Variants in KCTD1 observed in about 807,000 individuals in gnomAD.
KCTD1 encodes the protein potassium channel tetramerization domain containing 1, also known as BTB/POZ domain-containing protein KCTD1.
In KCTD1, 24 loss-of-function variants were observed where a neutral mutation model predicts 66.0. That is an observed-to-expected ratio of 0.36 (90% CI 0.26 to 0.51). KCTD1 has a LOEUF of 0.51. Among genes scored for constraint, KCTD1 ranks in the 20% least tolerant of loss-of-function variants. KCTD1 has a pLI of 0.95. For missense variants in KCTD1, 943 were observed against 1,205.2 expected (o/e 0.78, Z 3.22); for synonymous variants, 511 against 517.2 (o/e 0.99, Z 0.16).
At chr18:26,549,345 C>T, upstream of KCTD1, 1 of 985,524 alleles carries the variant, frequency 1.0e-6, no homozygotes, top group Non-Finnish European at 1.2e-6. Flanking sequence ...TCAGCCACAT[C>T]CCTTTCGACT....
chr18:26,626,159 A>G (rs541967812), intron 1 of KCTD1, among the ~76,000 whole-genome samples: 1 of 144,416 alleles, frequency 6.9e-6, no homozygotes, highest in Non-Finnish European at 1.5e-5. Flanking sequence ...TGAGCCAAAA[A>G]AAAAAACAAA....
At chr18:26,599,936 T>C in intron 1 of KCTD1, 3 of 1,591,492 alleles carry the variant, frequency 1.9e-6, no homozygotes, top group Non-Finnish European at 1.7e-6. Context: ...AAGTTTTCCA[T>C]CACCAAGAAG....
chr18:26,567,081 C>G (rs932522771), intron 1 of KCTD1: 14 of 152,064 alleles, frequency 9.2e-5, no homozygotes, highest in African/African-American at 3.4e-4. Context: ...CTGAGAGGCT[C>G]CTGCAAACCC....
intron 1 of KCTD1, among the ~76,000 whole-genome samples, chr18:26,618,434 C>T (rs1987304100): frequency 6.6e-6 from 1 of 152,152 alleles, no homozygotes; most frequent in Non-Finnish European, 1.5e-5. Flanking sequence ...TGCATTCCAC[C>T]TACCACCTAC....
At chr18:26,471,306 G>C (rs1981049255) in intron 3 of KCTD1, among the ~76,000 whole-genome samples, 1 of 151,820 alleles carries the variant, frequency 6.6e-6, no homozygotes, top group Non-Finnish European at 1.5e-5. Context: ...GATGTATTCT[G>C]CTTGTAGCGT....
At chr18:26,503,905 C>G (rs1054155208) in intron 1 of KCTD1, among the ~76,000 whole-genome samples, 1 of 152,158 alleles carries the variant, frequency 6.6e-6, no homozygotes, top group Non-Finnish European at 1.5e-5. Flanking sequence ...GCAATGCCCT[C>G]CTTTGGTGAG....
intron 1 of KCTD1, among the ~76,000 whole-genome samples, chr18:26,597,825 T>C (rs1986803543): frequency 6.6e-6 from 1 of 152,150 alleles, no homozygotes; most frequent in East Asian, 1.9e-4. Flanking sequence ...AACTAATTTT[T>C]GTATTTTTAG....
chr18:26,614,947 A>G (rs967071355), intron 1 of KCTD1, among the ~76,000 whole-genome samples: 1 of 152,304 alleles, frequency 6.6e-6, no homozygotes, highest in East Asian at 1.9e-4. Flanking sequence ...TGCTTTTTAA[A>G]ATTTTCAAAT....
At chr18:26,500,102 C>A (rs1332623844) in intron 2 of KCTD1, among the ~76,000 whole-genome samples, 1 of 151,682 alleles carries the variant, frequency 6.6e-6, no homozygotes, top group Admixed American at 6.6e-5. Context: ...GGCAACATAG[C>A]GCGACCCCAT....
intron 1 of KCTD1, among the ~76,000 whole-genome samples, chr18:26,612,366 C>A (rs1987155785): frequency 1.3e-5 from 2 of 152,262 alleles, no homozygotes; most frequent in South Asian, 4.1e-4. Context: ...GAAATCCTAA[C>A]CCCCAGTACC....
chr18:26,507,339 G>A (rs1983093590), intron 1 of KCTD1, among the ~76,000 whole-genome samples: 1 of 152,098 alleles, frequency 6.6e-6, no homozygotes, highest in Admixed American at 6.5e-5. Flanking sequence ...TTCTGTGATG[G>A]AGAAGCAGGA....
chr18:26,531,983 G>C (rs752457539), intron 1 of KCTD1, among the ~76,000 whole-genome samples: 1 of 152,168 alleles, frequency 6.6e-6, no homozygotes, highest in Admixed American at 6.5e-5. Context: ...GGGGAGAAAG[G>C]CCTGATTTCT....
intron 1 of KCTD1, among the ~76,000 whole-genome samples, chr18:26,621,421 A>T (rs890434241): frequency 6.6e-6 from 1 of 152,068 alleles, no homozygotes; most frequent in African/African-American, 2.4e-5. Context: ...TACCTGCTCA[A>T]TGAATGATTA....
intron 1 of KCTD1, among the ~76,000 whole-genome samples, chr18:26,620,910 G>A (rs543717145): frequency 1.4e-5 from 2 of 145,324 alleles, no homozygotes; most frequent in African/African-American, 5.2e-5. Context: ...TCGGCTCACT[G>A]CAAACTCCGC....
At chr18:26,651,946 C>T (rs1435771041) in intron 1 of KCTD1, among the ~76,000 whole-genome samples, 1 of 152,104 alleles carries the variant, frequency 6.6e-6, no homozygotes, top group South Asian at 2.1e-4. Flanking sequence ...GTGCAGAATA[C>T]TACTTGCCTC....
At chr18:26,510,788 A>G (rs1297687171) in intron 1 of KCTD1, among the ~76,000 whole-genome samples, 1 of 152,238 alleles carries the variant, frequency 6.6e-6, no homozygotes, top group Non-Finnish European at 1.5e-5. Flanking sequence ...AGAATATTTT[A>G]AATACATTCT....
chr18:26,508,275 C>A (rs2144705234), intron 1 of KCTD1, among the ~76,000 whole-genome samples: 1 of 152,184 alleles, frequency 6.6e-6, no homozygotes, highest in East Asian at 1.9e-4. Context: ...GCTTCATCAT[C>A]CATCTCACCT....
rs534490700 is a variant in KCTD1 at position 26,508,017 on chromosome 18, AATC to A, written c.1810-6770_1810-6768del. On this transcript the variant is annotated intron_variant, in intron 1 of 4. Transcript: ENST00000580059. ...AATAATCTTGGAAAAAAAATCCTCC[AATC>A]AGAACACTTTACTGTTGAAATACTT... is the stretch of plus-strand genomic sequence containing the variant. Among the ~76,000 whole-genome samples, 380 of 152,338 alleles carry A rather than the reference AATC, an allele frequency of 2.5e-3. 4 individuals carry two copies. The highest frequency in any genetic ancestry group is 7.9e-3 in the African/African-American group (328 of 41,564).
At chr18:26,480,763 T>C (rs1981602930) in intron 2 of KCTD1, among the ~76,000 whole-genome samples, 1 of 151,730 alleles carries the variant, frequency 6.6e-6, no homozygotes, top group South Asian at 2.1e-4. Flanking sequence ...CGAGACTTTG[T>C]CTTAAAAAAA....
Sources: gnomAD v4.1 joint callset for allele counts (sites outside exome capture counted in the v4.1 genomes callset) on GRCh38, gnomAD v4.1.1 for gene constraint, MANE v1.5 for transcripts, NCBI Gene and HGNC (gene_info 2026-07-23, HGNC 2026-07-21) for gene names.